Variants in CNTNAP2 observed in about 807,000 individuals in gnomAD.
CNTNAP2 encodes the protein contactin associated protein 2, also known as contactin-associated protein-like 2.
A neutral mutation model predicts 155.2 loss-of-function variants in CNTNAP2; 98 were observed. That is an observed-to-expected ratio of 0.63 (90% confidence interval 0.54 to 0.75). The LOEUF is 0.75. Ranked by LOEUF, CNTNAP2 falls within the 30% of genes least tolerant of loss-of-function variation. CNTNAP2 has a pLI of 0.00. For missense variants in CNTNAP2, 1,727 were observed against 1,688.1 expected (o/e 1.02, Z -0.40); for synonymous variants, 651 against 631.2 (o/e 1.03, Z -0.47).
chr7:146,301,801 C>A (rs1258740039), intron 1 of CNTNAP2, among the ~76,000 whole-genome samples: 1 of 152,150 alleles, frequency 6.6e-6, no homozygotes, highest in East Asian at 1.9e-4. Flanking sequence ...ACGGGAGGGA[C>A]AGCCTGTGTG....
At chr7:147,837,062 A>G (rs1563106123) in intron 13 of CNTNAP2, among the ~76,000 whole-genome samples, 2 of 152,314 alleles carry the variant, frequency 1.3e-5, no homozygotes, top group East Asian at 3.9e-4. Context: ...ATTTGCCCTA[A>G]TTAGTATTAT....
chr7:147,774,809 G>A (rs1221594556), intron 13 of CNTNAP2, among the ~76,000 whole-genome samples: 1 of 152,142 alleles, frequency 6.6e-6, no homozygotes, highest in Non-Finnish European at 1.5e-5. Flanking sequence ...TACAGCACCT[G>A]AAGGGGACTA....
chr7:147,311,618 T>C (rs1795128819), intron 9 of CNTNAP2, among the ~76,000 whole-genome samples: 1 of 152,118 alleles, frequency 6.6e-6, no homozygotes, highest in Non-Finnish European at 1.5e-5. Context: ...CCACAAGTCA[T>C]TTGGTAATGA....
At chr7:147,264,637 C>G in intron 8 of CNTNAP2, among the ~76,000 whole-genome samples, 1 of 150,292 alleles carries the variant, frequency 6.7e-6, no homozygotes. Flanking sequence ...AGATGCCTGA[C>G]GGGGCCAGCC....
intron 21 of CNTNAP2, among the ~76,000 whole-genome samples, chr7:148,295,503 T>A (rs1163772414): frequency 6.6e-6 from 1 of 151,966 alleles, no homozygotes. Context: ...CAATTTTTTT[T>A]TTTTTTGAGA....
At chr7:148,344,673 AT>A (rs1160782444) in intron 21 of CNTNAP2, among the ~76,000 whole-genome samples, 2 of 152,112 alleles carry the variant, frequency 1.3e-5, no homozygotes, top group Non-Finnish European at 2.9e-5. Flanking sequence ...TGCTAATCTA[AT>A]TTGCAGATGA....
At chr7:147,371,758 C>A (rs530162165) in intron 9 of CNTNAP2, among the ~76,000 whole-genome samples, 4 of 152,172 alleles carry the variant, frequency 2.6e-5, no homozygotes, top group South Asian at 4.1e-4. Context: ...CAGGGGTGCT[C>A]ACTTATGTGT....
chr7:147,452,115 A>T (rs925241847), intron 10 of CNTNAP2, among the ~76,000 whole-genome samples: 1 of 152,232 alleles, frequency 6.6e-6, no homozygotes, highest in African/African-American at 2.4e-5. Flanking sequence ...ATGGGTAGAA[A>T]AATAATGAAA....
chr7:148,254,027 T>C (rs1796417625), intron 20 of CNTNAP2, among the ~76,000 whole-genome samples: 1 of 152,168 alleles, frequency 6.6e-6, no homozygotes. Flanking sequence ...AATCCACTTG[T>C]AAGCAGTGCA....
intron 17 of CNTNAP2, among the ~76,000 whole-genome samples, chr7:148,160,951 T>C (rs1175260893): frequency 6.6e-6 from 1 of 152,232 alleles, no homozygotes; most frequent in African/African-American, 2.4e-5. Flanking sequence ...TTGACTTTTG[T>C]TTTATTCTTC....
intron 10 of CNTNAP2, among the ~76,000 whole-genome samples, chr7:147,421,981 C>A (rs1358731806): frequency 6.6e-6 from 1 of 151,658 alleles, no homozygotes; most frequent in African/African-American, 2.4e-5. Context: ...TCTTGTACAG[C>A]CTATAGACCG....
chr7:147,117,434 C>T (rs574235047), intron 5 of CNTNAP2, among the ~76,000 whole-genome samples: 2 of 152,100 alleles, frequency 1.3e-5, no homozygotes, highest in Admixed American at 6.6e-5. Flanking sequence ...TAGGCTGTAG[C>T]CCCATCCTGC....
intron 11 of CNTNAP2, among the ~76,000 whole-genome samples, chr7:147,549,955 A>G (rs1562992211): frequency 6.6e-6 from 1 of 152,180 alleles, no homozygotes. Flanking sequence ...TGATCATATA[A>G]TTGTTTGATA....
chr7:147,785,625 A>T (rs942017979), intron 13 of CNTNAP2, among the ~76,000 whole-genome samples: 1 of 152,228 alleles, frequency 6.6e-6, no homozygotes, highest in African/African-American at 2.4e-5. Context: ...AAGTGTAATA[A>T]CAATGACATA....
chr7:146,671,788 T>C (rs1041383410), intron 1 of CNTNAP2, among the ~76,000 whole-genome samples: 31 of 151,944 alleles, frequency 2.0e-4, no homozygotes, highest in Non-Finnish European at 1.6e-4. Context: ...AGTATTCTCT[T>C]TCTTTTCTTT....
chr7:148,008,217 A>AC (rs962627591), intron 15 of CNTNAP2, among the ~76,000 whole-genome samples: 49 of 151,230 alleles, frequency 3.2e-4, no homozygotes, highest in South Asian at 4.2e-4. Context: ...CAAAAAAAAA[A>AC]AAAAATTAGC....
At chr7:147,313,128 ATTTG>A (rs1333290507) in intron 9 of CNTNAP2, among the ~76,000 whole-genome samples, 3 of 144,284 alleles carry the variant, frequency 2.1e-5, no homozygotes, top group Non-Finnish European at 3.0e-5. Context: ...TTTCTTGTAA[ATTTG>A]TTTGAGTTCA....
intron 1 of CNTNAP2, among the ~76,000 whole-genome samples, chr7:146,310,918 A>T (rs1800810219): frequency 6.6e-6 from 1 of 152,226 alleles, no homozygotes; most frequent in Non-Finnish European, 1.5e-5. Context: ...CAATACTTGG[A>T]ATTTTAACAG....
intron 17 of CNTNAP2, among the ~76,000 whole-genome samples, chr7:148,160,004 T>G (rs1805488176): frequency 6.6e-6 from 1 of 152,142 alleles, no homozygotes; most frequent in Non-Finnish European, 1.5e-5. Flanking sequence ...TTTGGAAGGC[T>G]GAGGTAGGCA....
Sources: gnomAD v4.1 joint callset for allele counts (sites outside exome capture counted in the v4.1 genomes callset) on GRCh38, gnomAD v4.1.1 for gene constraint, MANE v1.5 for transcripts, NCBI Gene and HGNC (gene_info 2026-07-23, HGNC 2026-07-21) for gene names.